Variants in USP39 observed in about 807,000 individuals in gnomAD.
The protein encoded by USP39 is ubiquitin carboxyl-terminal hydrolase 39.
In USP39, 38 loss-of-function variants were observed where a neutral mutation model predicts 66.4. The ratio of observed to expected loss-of-function variants is 0.57; its 90% CI spans 0.44 to 0.75. USP39 has a LOEUF of 0.75. Ranked by LOEUF, USP39 falls within the 30% of genes least tolerant of loss-of-function variation. The pLI, the probability that USP39 is intolerant of heterozygous loss-of-function variation, is 0.00. For synonymous variants in USP39, 303 were observed against 274.6 expected (o/e 1.10, Z -1.02); for missense variants, 608 against 714.4 (o/e 0.85, Z 1.70).
At chr2:85,603,511 A>G (rs1673083291) in intron 1 of USP39, among the ~76,000 whole-genome samples, 1 of 152,224 alleles carries the variant, frequency 6.6e-6, no homozygotes, top group African/African-American at 2.4e-5. Context: ...ATAGTGTGGG[A>G]AAAATTACTG....
chr2:85,615,300 A>G (rs1309322506), upstream of USP39, among the ~76,000 whole-genome samples: 3 of 152,022 alleles, frequency 2.0e-5, no homozygotes, highest in Non-Finnish European at 4.4e-5. Context: ...TATTATAGGC[A>G]TGAGCCACAG....
chr2:85,606,075 A>G (rs1326959502), intron 1 of USP39, among the ~76,000 whole-genome samples: 2 of 152,242 alleles, frequency 1.3e-5, no homozygotes, highest in Non-Finnish European at 2.9e-5. Context: ...ATTGTGGCCG[A>G]GGAACCACAA....
At chr2:85,612,827 A>G (rs1475856200), upstream of USP39, among the ~76,000 whole-genome samples, 1 of 151,818 alleles carries the variant, frequency 6.6e-6, no homozygotes, top group Non-Finnish European at 1.5e-5. Flanking sequence ...CGCCCGGCTA[A>G]GTTTTGTATT....
chr2:85,619,955 A>G (rs1674328495), intron 2 of USP39, among the ~76,000 whole-genome samples: 1 of 151,942 alleles, frequency 6.6e-6, no homozygotes, highest in Non-Finnish European at 1.5e-5. Context: ...TCCAGGTTCA[A>G]GTGATTATCC....
At chr2:85,645,468 G>C (rs1676572636) in intron 11 of USP39, among the ~76,000 whole-genome samples, 1 of 152,074 alleles carries the variant, frequency 6.6e-6, no homozygotes, top group Non-Finnish European at 1.5e-5. Flanking sequence ...ATTTTTAGTA[G>C]AGACGGGGTT....
chr2:85,609,800 C>G (rs565509989), upstream of USP39, among the ~76,000 whole-genome samples: 1 of 152,178 alleles, frequency 6.6e-6, no homozygotes, highest in East Asian at 1.9e-4. Context: ...CCTGCCTCAG[C>G]CTCCCGAGTA....
At position 85,639,396 on chromosome 2, in the gene USP39, C is replaced by T; in HGVS notation, c.1284+5C>T. ...TTCAATGGCATCACTGAGAAGGTAG[C>T]CCATTAACACACCTGCCCTGCCTAT... On this transcript the variant is annotated splice_donor_5th_base_variant and intron_variant, in intron 9 of 12. Coordinates refer to ENST00000323701, the MANE Select transcript of USP39 (RefSeq NM_006590.4). The T allele has an allele frequency of 6.2e-7, 1 of 1,612,436 alleles. No individual in the cohort carries two copies. The highest frequency in any genetic ancestry group is 8.5e-7 in the Non-Finnish European group (1 of 1,179,062).
chr2:85,614,500 C>A (rs1213328031), upstream of USP39, among the ~76,000 whole-genome samples: 1 of 152,056 alleles, frequency 6.6e-6, no homozygotes, highest in Admixed American at 6.6e-5. Context: ...GGTGACAGAG[C>A]AAGACTCTGT....
At chr2:85,648,420 C>T (rs1213169135) in intron 12 of USP39, among the ~76,000 whole-genome samples, 1 of 152,258 alleles carries the variant, frequency 6.6e-6, no homozygotes, top group East Asian at 1.9e-4. Flanking sequence ...TGTTTTAGTG[C>T]CGGCCATATC....
upstream of USP39, chr2:85,611,430 A>G: frequency 6.6e-7 from 1 of 1,520,820 alleles, no homozygotes. Flanking sequence ...ACCGGCAGAT[A>G]AACTTCTTGC....
chr2:85,611,892 C>T (rs756164113), upstream of USP39: 1 of 1,596,310 alleles, frequency 6.3e-7, no homozygotes, highest in Non-Finnish European at 8.5e-7. Flanking sequence ...CGATCTGGTT[C>T]CGTCGGATAT....
intron 7 of USP39, among the ~76,000 whole-genome samples, chr2:85,636,974 T>C (rs924430757): frequency 1.3e-5 from 2 of 152,208 alleles, no homozygotes; most frequent in African/African-American, 4.8e-5. Flanking sequence ...CATTGTCCTC[T>C]TGTCTTCATT....
intron 5 of USP39, among the ~76,000 whole-genome samples, chr2:85,627,552 A>T (rs575584525): frequency 6.6e-6 from 1 of 151,910 alleles, no homozygotes; most frequent in Non-Finnish European, 1.5e-5. Flanking sequence ...GCACTTTGGG[A>T]GGCCAAGGTG....
chr2:85,609,193 CTA>C (rs759754974), upstream of USP39: 50 of 1,364,820 alleles, frequency 3.7e-5, no homozygotes, highest in Non-Finnish European at 4.7e-5. Context: ...CTGTCATTTC[CTA>C]TGTGTCTCCT....
intron 6 of USP39, among the ~76,000 whole-genome samples, chr2:85,633,831 CTT>C (rs35970499): frequency 1.0e-4 from 8 of 78,996 alleles, no homozygotes; most frequent in African/African-American, 2.1e-4. Flanking sequence ...CGAGTAGTGG[CTT>C]TTTTTTTTTT....
At chr2:85,606,608 CTT>C (rs1396627746) in intron 1 of USP39, 3 of 152,120 alleles carry the variant, frequency 2.0e-5, no homozygotes, top group African/African-American at 7.2e-5. Context: ...AGAATGCTCT[CTT>C]GGGTAAAAAA....
intron 3 of USP39, among the ~76,000 whole-genome samples, chr2:85,622,764 C>G (rs1558853175): frequency 6.6e-6 from 1 of 151,852 alleles, no homozygotes; most frequent in African/African-American, 2.4e-5. Context: ...GTAAAAACAG[C>G]TGGGCACAGT....
At chr2:85,636,767 A>G (rs1023389320) in intron 7 of USP39, among the ~76,000 whole-genome samples, 16 of 152,286 alleles carry the variant, frequency 1.1e-4, no homozygotes, top group African/African-American at 3.6e-4. Flanking sequence ...TGCTAGGATT[A>G]TAGATGTGAT....
In USP39 at chr2:85,621,513, CTG is replaced by C. The variant is rs1193518411; in HGVS notation, c.371_372del (p.Cys124PhefsTer36). ...RSVLDFDFEK[L>X]CSISLSHINA... ...TGTGCTGGACTTTGACTTTGAGAAA[CTG>C]TGTTCTATCTCCCTCTCACACATCA... On this transcript the variant is annotated frameshift_variant, in exon 3 of 13. Coordinates refer to ENST00000323701, the MANE Select transcript of USP39 (RefSeq NM_006590.4). LOFTEE classifies it high-confidence loss of function. 6 of 1,614,008 alleles carry C rather than the reference CTG, an allele frequency of 3.7e-6. No individual in the cohort carries two copies. Among genetic ancestry groups the C allele is most frequent in the Non-Finnish European group, 4.2e-6 (5 of 1,179,966 alleles).
Sources: allele counts gnomAD v4.1 joint callset (sites outside exome capture counted in the v4.1 genomes callset), GRCh38; gene constraint gnomAD v4.1.1; transcripts MANE v1.5; gene names NCBI Gene and HGNC (gene_info 2026-07-23, HGNC 2026-07-21).